Variants in IL34 observed in about 807,000 individuals in gnomAD.
The protein encoded by IL34 is interleukin 34.
IL34 carries 17 observed loss-of-function variants against 25.3 expected under a neutral mutation model. The observed-to-expected ratio is 0.67, with a 90% CI of 0.46 to 1.01. The LOEUF (loss-of-function observed/expected upper bound fraction) is 1.01, where lower values mean the gene tolerates loss of function less well. Ranked by LOEUF, IL34 falls within the 50% of genes least tolerant of loss-of-function variation. The pLI is 0.00. For synonymous variants in IL34, 174 were observed against 140.9 expected, an observed-to-expected ratio of 1.23 and a Z score of -1.66; for missense variants, 368 against 312.9, an observed-to-expected ratio of 1.18 and a Z score of -1.33.
At chr16:70,604,849 G>A (rs978514729) in intron 1 of IL34, among the ~76,000 whole-genome samples, 4 of 152,206 alleles carry the variant, frequency 2.6e-5, no homozygotes, top group Admixed American at 2.0e-4. Context: ...GGAGAGGCTG[G>A]CAGCCTCCTG....
chr16:70,637,890 C>T (rs556215866), intron 1 of IL34, among the ~76,000 whole-genome samples: 2 of 152,140 alleles, frequency 1.3e-5, no homozygotes, highest in African/African-American at 4.8e-5. Flanking sequence ...TCAGTATATA[C>T]CAGTTCTCAG....
chr16:70,629,493 C>T (rs2051469520), intron 1 of IL34, among the ~76,000 whole-genome samples: 1 of 152,114 alleles, frequency 6.6e-6, no homozygotes, highest in Admixed American at 6.6e-5. Context: ...CGCTCAGGTC[C>T]CTTATGTAAA....
At chr16:70,622,200 G>A (rs947957226) in intron 1 of IL34, among the ~76,000 whole-genome samples, 4 of 152,096 alleles carry the variant, frequency 2.6e-5, no homozygotes, top group African/African-American at 4.8e-5. Context: ...AATGACTGTG[G>A]TGGCCTTCTC....
chr16:70,613,560 G>A (rs181632912), intron 1 of IL34, among the ~76,000 whole-genome samples: 1 of 152,290 alleles, frequency 6.6e-6, no homozygotes, highest in East Asian at 1.9e-4. Flanking sequence ...GGTATCTGCA[G>A]CACCTGGGAG....
intron 4 of IL34, 180 bp downstream of exon 4, chr16:70,657,301 A>C: frequency 6.4e-6 from 4 of 622,040 alleles, no homozygotes; most frequent in Non-Finnish European, 8.2e-6. Context: ...TGGAAGGAAG[A>C]GGCAGCCGTG....
chr16:70,604,829 G>C (rs2050975426), intron 1 of IL34, among the ~76,000 whole-genome samples: 1 of 152,152 alleles, frequency 6.6e-6, no homozygotes, highest in African/African-American at 2.4e-5. Context: ...ACACAGAAAG[G>C]TAGCCCCTTG....
chr16:70,623,543 A>G (rs578039690), intron 1 of IL34, among the ~76,000 whole-genome samples: 3 of 152,212 alleles, frequency 2.0e-5, no homozygotes, highest in East Asian at 1.9e-4. Context: ...GGATATTGGC[A>G]TTGAACAGGG....
intron 1 of IL34, among the ~76,000 whole-genome samples, chr16:70,649,097 C>T (rs900000319): frequency 3.9e-5 from 6 of 152,156 alleles, no homozygotes; most frequent in African/African-American, 9.6e-5. Context: ...TGGCACAGGA[C>T]AGGCGAGCCC....
At chr16:70,614,198 A>AAAAG (rs2051139481) in intron 1 of IL34, among the ~76,000 whole-genome samples, 1 of 151,202 alleles carries the variant, frequency 6.6e-6, no homozygotes, top group South Asian at 2.1e-4. Context: ...AAAAAAAAAA[A>AAAAG]GAAGTGCAGT....
intron 1 of IL34, among the ~76,000 whole-genome samples, chr16:70,632,512 T>A (rs2051542936): frequency 6.6e-6 from 1 of 152,190 alleles, no homozygotes; most frequent in Admixed American, 6.5e-5. Context: ...GAAGAGGAGC[T>A]GGGCCAATGC....
At chr16:70,615,206 A>G (rs1412070210) in intron 1 of IL34, among the ~76,000 whole-genome samples, 2 of 152,244 alleles carry the variant, frequency 1.3e-5, no homozygotes, top group East Asian at 1.9e-4. Flanking sequence ...GTTAACAAAC[A>G]TCTTCTTTTA....
At chr16:70,583,785 G>A (rs2050661110) in intron 1 of IL34, among the ~76,000 whole-genome samples, 1 of 152,078 alleles carries the variant, frequency 6.6e-6, no homozygotes, top group South Asian at 2.1e-4. Context: ...CCCAGTAGCT[G>A]GAATTACAGG....
chr16:70,656,262 C>T (rs1397020771), intron 2 of IL34, among the ~76,000 whole-genome samples: 2 of 152,192 alleles, frequency 1.3e-5, no homozygotes, highest in African/African-American at 2.4e-5. Flanking sequence ...GGAGGCCGGG[C>T]ATGGTGGCTC....
intron 1 of IL34, among the ~76,000 whole-genome samples, chr16:70,634,102 C>A (rs576352281): frequency 6.6e-6 from 1 of 152,076 alleles, no homozygotes; most frequent in East Asian, 1.9e-4. Flanking sequence ...CTGCCCGCCT[C>A]GGCCTCCCAA....
chr16:70,656,281 A>T (rs572575654), intron 2 of IL34, among the ~76,000 whole-genome samples: 2 of 152,194 alleles, frequency 1.3e-5, no homozygotes, highest in Non-Finnish European at 2.9e-5. Context: ...TCATACCTAT[A>T]ACCCCAGCAC....
chr16:70,587,277 C>CT (rs1215186716), intron 1 of IL34, among the ~76,000 whole-genome samples: 44 of 147,960 alleles, frequency 3.0e-4, no homozygotes, highest in Admixed American at 2.0e-3. Flanking sequence ...CTGAGTTTTG[C>CT]TTTTTTTTTT....
intron 1 of IL34, among the ~76,000 whole-genome samples, chr16:70,586,629 C>T (rs1031730672): frequency 6.6e-6 from 1 of 152,150 alleles, no homozygotes; most frequent in Admixed American, 6.6e-5. Context: ...CAACCCCTCC[C>T]GTGGTGAGGG....
chr16:70,629,818 G>A (rs1290479464), intron 1 of IL34, among the ~76,000 whole-genome samples: 1 of 151,902 alleles, frequency 6.6e-6, no homozygotes, highest in East Asian at 1.9e-4. Context: ...GAGTGTACAT[G>A]GGGTCTCCAT....
intron 1 of IL34, among the ~76,000 whole-genome samples, chr16:70,629,204 A>G (rs1432561141): frequency 6.6e-6 from 1 of 152,162 alleles, no homozygotes; most frequent in Non-Finnish European, 1.5e-5. Flanking sequence ...TTGTTTGCTG[A>G]TGTAATTGCA....
Sources: allele counts gnomAD v4.1 joint callset (sites outside exome capture counted in the v4.1 genomes callset), GRCh38; gene constraint gnomAD v4.1.1; transcripts MANE v1.5; gene names NCBI Gene and HGNC (gene_info 2026-07-23, HGNC 2026-07-21).